Variants in MAGI2 observed in about 807,000 individuals in gnomAD.
MAGI2 encodes the protein membrane-associated guanylate kinase, WW and PDZ domain-containing protein 2.
Under a neutral mutation model 133.3 loss-of-function variants are expected in MAGI2, and 35 were observed. That is an observed-to-expected ratio of 0.26 (90% CI 0.20 to 0.35). The LOEUF is 0.35. Among genes scored for constraint, MAGI2 ranks in the 10% least tolerant of loss-of-function variants. The pLI, the probability that MAGI2 is intolerant of heterozygous loss-of-function variation, is 1.00. For synonymous variants in MAGI2, 729 were observed against 710.6 expected (o/e 1.03, Z -0.41); for missense variants, 1,636 against 1,863.4 (o/e 0.88, Z 2.25).
At chr7:79,114,835 A>G (rs1431744394) in intron 1 of MAGI2, among the ~76,000 whole-genome samples, 1 of 152,076 alleles carries the variant, frequency 6.6e-6, no homozygotes, top group Non-Finnish European at 1.5e-5. Flanking sequence ...AAGATCTGCT[A>G]CCTCCCATTC....
chr7:78,558,794 A>G (rs1329525239), intron 3 of MAGI2, among the ~76,000 whole-genome samples: 1 of 150,070 alleles, frequency 6.7e-6, no homozygotes, highest in Non-Finnish European at 1.5e-5. Flanking sequence ...GTGATCATAC[A>G]GTGCTTTTGC....
At chr7:78,484,751 T>C (rs1481038883) in intron 6 of MAGI2, 3 of 151,976 alleles carry the variant, frequency 2.0e-5, no homozygotes, top group Non-Finnish European at 4.4e-5. Flanking sequence ...GGAAAGAAAA[T>C]GAGCAGTTAT....
At chr7:78,765,205 T>A (rs1824889698) in intron 2 of MAGI2, among the ~76,000 whole-genome samples, 1 of 152,146 alleles carries the variant, frequency 6.6e-6, no homozygotes, top group African/African-American at 2.4e-5. Context: ...ACCTATTAGG[T>A]TTCCAAACTA....
intron 2 of MAGI2, among the ~76,000 whole-genome samples, chr7:78,976,150 T>C (rs1037524235): frequency 6.6e-6 from 1 of 151,546 alleles, no homozygotes; most frequent in Admixed American, 6.6e-5. Flanking sequence ...CAGATCAATA[T>C]CTCATTAACA....
chr7:79,182,978 G>T (rs1826752259), intron 1 of MAGI2, among the ~76,000 whole-genome samples: 1 of 151,888 alleles, frequency 6.6e-6, no homozygotes, highest in South Asian at 2.1e-4. Context: ...ATTCCCATAT[G>T]TGAGAGCTAA....
At chr7:78,218,693 CAAAG>C (rs1314343265) in intron 10 of MAGI2, among the ~76,000 whole-genome samples, 2 of 152,196 alleles carry the variant, frequency 1.3e-5, no homozygotes, top group Non-Finnish European at 2.9e-5. Flanking sequence ...CTGCATATGA[CAAAG>C]GAAGTGTGTT....
At chr7:78,165,010 GAA>G (rs1388387504) in intron 15 of MAGI2, among the ~76,000 whole-genome samples, 5 of 152,206 alleles carry the variant, frequency 3.3e-5, no homozygotes, top group African/African-American at 1.2e-4. Flanking sequence ...AATGCAAGGT[GAA>G]AGTGTGTGCT....
chr7:78,965,841 T>A (rs996922755), intron 2 of MAGI2, among the ~76,000 whole-genome samples: 1 of 152,100 alleles, frequency 6.6e-6, no homozygotes, highest in African/African-American at 2.4e-5. Context: ...TATACTTACC[T>A]GGAGATCATT....
chr7:78,755,117 T>C (rs899128619), intron 2 of MAGI2, among the ~76,000 whole-genome samples: 2 of 152,236 alleles, frequency 1.3e-5, no homozygotes, highest in Non-Finnish European at 2.9e-5. Flanking sequence ...AGCAGAGCGT[T>C]TGAAGATGGG....
chr7:79,014,812 G>C (rs2116622301), intron 1 of MAGI2, among the ~76,000 whole-genome samples: 1 of 152,218 alleles, frequency 6.6e-6, no homozygotes, highest in Non-Finnish European at 1.5e-5. Flanking sequence ...AAAATATCTA[G>C]ATAATTTAGC....
intron 1 of MAGI2, among the ~76,000 whole-genome samples, chr7:79,108,232 GAATGGGCTAGTCCTATCA>G (rs1422916896): frequency 2.6e-5 from 4 of 152,140 alleles, no homozygotes. Context: ...TTTCTTAAAA[GAATGGGCTAGTCCTATCA>G]AGCTCACAAA....
chr7:78,078,925 T>C (rs1367679636), intron 21 of MAGI2, 22 bp downstream of exon 21: 3 of 1,612,496 alleles, frequency 1.9e-6, no homozygotes, highest in Non-Finnish European at 2.5e-6. Context: ...AGCAAAAGGG[T>C]GAATTAAAAC....
At chr7:79,120,179 T>C (rs1234270762) in intron 1 of MAGI2, among the ~76,000 whole-genome samples, 1 of 152,088 alleles carries the variant, frequency 6.6e-6, no homozygotes, top group African/African-American at 2.4e-5. Flanking sequence ...GATTGCCTTT[T>C]TATCTTCATT....
At chr7:79,115,979 A>C (rs1819381406) in intron 1 of MAGI2, among the ~76,000 whole-genome samples, 1 of 150,778 alleles carries the variant, frequency 6.6e-6, no homozygotes, top group Admixed American at 6.7e-5. Flanking sequence ...CTCCTATCCC[A>C]AATTATTCTG....
intron 10 of MAGI2, among the ~76,000 whole-genome samples, chr7:78,224,693 A>AT (rs2150851128): frequency 7.4e-6 from 1 of 134,320 alleles, no homozygotes; most frequent in African/African-American, 2.8e-5. Flanking sequence ...CAACAACGTA[A>AT]ATTTTTTTTT....
chr7:79,198,408 T>G (rs1479508344), intron 1 of MAGI2, among the ~76,000 whole-genome samples: 1 of 151,564 alleles, frequency 6.6e-6, no homozygotes, highest in South Asian at 2.1e-4. Context: ...AAACATGATA[T>G]GACTGAAAAA....
intron 21 of MAGI2, among the ~76,000 whole-genome samples, chr7:78,033,628 A>G (rs2151067311): frequency 6.6e-6 from 1 of 152,276 alleles, no homozygotes; most frequent in South Asian, 2.1e-4. Flanking sequence ...GGAAGTACAG[A>G]GTGCTGTGGA....
intron 2 of MAGI2, among the ~76,000 whole-genome samples, chr7:78,841,647 C>A (rs536743603): frequency 1.3e-5 from 2 of 151,940 alleles, no homozygotes; most frequent in South Asian, 4.1e-4. Context: ...TGATGCCTAA[C>A]GCTAAATTAC....
At chr7:79,425,362 C>T (rs1215514666) in intron 1 of MAGI2, among the ~76,000 whole-genome samples, 2 of 151,620 alleles carry the variant, frequency 1.3e-5, no homozygotes, top group African/African-American at 2.4e-5. Context: ...TCCATGAGGA[C>T]GGAAGAACCA....
Sources: allele counts gnomAD v4.1 joint callset (sites outside exome capture counted in the v4.1 genomes callset), GRCh38; gene constraint gnomAD v4.1.1; transcripts MANE v1.5; gene names NCBI Gene and HGNC (gene_info 2026-07-23, HGNC 2026-07-21).